Variants in SCYL3 observed in about 807,000 individuals in gnomAD.
The protein encoded by SCYL3 is protein-associating with the carboxyl-terminal domain of ezrin.
SCYL3 carries 35 observed loss-of-function variants against 73.8 expected under a neutral mutation model. That is an observed-to-expected ratio of 0.47 (90% CI 0.36 to 0.63). SCYL3 has a LOEUF of 0.63. Ranked by LOEUF, SCYL3 falls within the 20% of genes least tolerant of loss-of-function variation. SCYL3 has a pLI of 0.00. For missense variants in SCYL3, 712 were observed against 798.9 expected (o/e 0.89, Z 1.31); for synonymous variants, 277 against 295.2 (o/e 0.94, Z 0.63).
intron 6 of SCYL3, among the ~76,000 whole-genome samples, chr1:169,869,641 A>G (rs956801901): frequency 6.6e-6 from 1 of 152,226 alleles, no homozygotes; most frequent in African/African-American, 2.4e-5. Flanking sequence ...ACTGTGACAC[A>G]TGCCTCAGTA....
intron 2 of SCYL3, among the ~76,000 whole-genome samples, chr1:169,886,941 C>T (rs1465936733): frequency 6.6e-6 from 1 of 152,016 alleles, no homozygotes; most frequent in Non-Finnish European, 1.5e-5. Context: ...TTAAAACTAC[C>T]AAAGGTGTGA....
chr1:169,854,604 G>A lies in SCYL3; in HGVS notation c.1673C>T (p.Ser558Phe), dbSNP rs1226591736. 20 of 1,613,896 alleles carry A rather than the reference G, an allele frequency of 1.2e-5. No individual in the cohort carries two copies. The highest frequency in any genetic ancestry group is 1.7e-5 in the Non-Finnish European group (20 of 1,179,984). Residue 558 changes from serine to phenylalanine, a missense_variant, in exon 12 of 13, where the codon TCT becomes TTT. By Grantham distance (155) the Ser-to-Phe change is radical. Transcript: ENST00000367771. ...GGGTAAGCTTGATTTCCAAGGCATA[G>A]ACTCTTCAGTGAGTGAAAGCAAAGC... is the stretch of plus-strand genomic sequence containing the variant. The part of the protein sequence containing the change: ...IPALLSLTEE[S>F]MPWKSSLPQK...
At chr1:169,860,331 A>G (rs987317683) in intron 10 of SCYL3, among the ~76,000 whole-genome samples, 23 of 152,362 alleles carry the variant, frequency 1.5e-4, no homozygotes, top group East Asian at 7.7e-4. Flanking sequence ...TCACATGCAG[A>G]TATCAGGCAA....
chr1:169,852,963 A>ACGTT lies in SCYL3; in HGVS notation c.*746_*749dup, dbSNP rs1410391384. On this transcript the variant is annotated 3_prime_UTR_variant, in exon 13 of 13. Transcript: ENST00000367771. ...TCCAAGAAAGGATGGATAAGCTAAA[A>ACGTT]CGTTACATACATACTCTAGGGTGAA... is the stretch of plus-strand genomic sequence containing the variant. 6.2e-7 allele frequency: 1 copy of ACGTT among 1,614,060 alleles called. No homozygotes were observed. Among genetic ancestry groups the ACGTT allele is most frequent in the East Asian group, 2.2e-5 (1 of 44,866 alleles).
At position 169,851,828 on chromosome 1, in the gene SCYL3, A is replaced by G. The variant is rs749631888; in HGVS notation, c.*1885T>C. ...ATGGTCCCTGGCAGACTGGGTTTGT[A>G]GATGAAACTGAAGCTGCCAAAGTGG... On this transcript the variant is annotated 3_prime_UTR_variant, in exon 13 of 13. Coordinates refer to ENST00000367771, the MANE Select transcript of SCYL3 (RefSeq NM_020423.7). 1 of 1,613,922 alleles carries G rather than the reference A, an allele frequency of 6.2e-7. No individual in the cohort carries two copies. The highest frequency in any genetic ancestry group is 8.5e-7 in the Non-Finnish European group (1 of 1,179,884).
At chr1:169,884,432 G>A (rs902397158) in intron 2 of SCYL3, among the ~76,000 whole-genome samples, 6 of 151,926 alleles carry the variant, frequency 3.9e-5, no homozygotes, top group African/African-American at 1.5e-4. Flanking sequence ...CGAATAGCTG[G>A]GATTACAGGC....
At chr1:169,853,877 A>T in intron 12 of SCYL3, 105 bp from the exon 13 acceptor site, 1 of 1,259,586 alleles carries the variant, frequency 7.9e-7, no homozygotes, top group African/African-American at 1.5e-5. Context: ...TTTTGATGCC[A>T]GAAACACTAC....
intron 2 of SCYL3, among the ~76,000 whole-genome samples, chr1:169,880,170 T>A (rs965096728): frequency 6.0e-5 from 9 of 150,848 alleles, no homozygotes; most frequent in African/African-American, 2.0e-4. Context: ...TAACAAAAGG[T>A]CAAATAAATA....
At chr1:169,868,139 AT>A (rs1478570924) in intron 7 of SCYL3, among the ~76,000 whole-genome samples, 1 of 152,198 alleles carries the variant, frequency 6.6e-6, no homozygotes, top group African/African-American at 2.4e-5. Context: ...AATGCTACTT[AT>A]TTAATAAGAT....
chr1:169,870,856 T>G (rs998298029), intron 5 of SCYL3, among the ~76,000 whole-genome samples: 2 of 152,210 alleles, frequency 1.3e-5, no homozygotes, highest in Non-Finnish European at 2.9e-5. Context: ...AATACTGATT[T>G]GGATAAATCT....
intron 2 of SCYL3, among the ~76,000 whole-genome samples, chr1:169,883,670 G>A (rs1401687765): frequency 6.6e-6 from 1 of 151,456 alleles, no homozygotes; most frequent in Admixed American, 6.6e-5. Flanking sequence ...CTTCCAGGCA[G>A]GGTCATAGGA....
intron 1 of SCYL3, among the ~76,000 whole-genome samples, chr1:169,893,111 T>C (rs777804498): frequency 6.6e-6 from 1 of 152,210 alleles, no homozygotes; most frequent in Non-Finnish European, 1.5e-5. Context: ...TCAAGATACA[T>C]TTTATAAGAA....
At chr1:169,886,930 G>A (rs530029324) in intron 2 of SCYL3, among the ~76,000 whole-genome samples, 4 of 152,180 alleles carry the variant, frequency 2.6e-5, no homozygotes, top group African/African-American at 9.6e-5. Flanking sequence ...TGAAATAATC[G>A]TTAAAACTAC....
chr1:169,872,754 G>A (rs1267877728), intron 5 of SCYL3, among the ~76,000 whole-genome samples: 1 of 152,214 alleles, frequency 6.6e-6, no homozygotes, highest in African/African-American at 2.4e-5. Context: ...CGGAATCAAA[G>A]GAGATCATTT....
rs930992104 is a variant in SCYL3 at position 169,850,566 on chromosome 1, G to C, written c.*3147C>G. 3 of 403,148 alleles carry C rather than the reference G, an allele frequency of 7.4e-6. No individual in the cohort carries two copies. Among genetic ancestry groups the C allele is most frequent in the Admixed American group, 3.7e-5 (1 of 27,152 alleles). 25.0% of individuals were successfully genotyped at this position (403,148 alleles called of 1,614,324 possible). A position where few individuals can be genotyped will look rare whatever the true frequency, so the allele number is the denominator to read the frequency against. The stretch of plus-strand genomic sequence containing the variant: ...TAATCCCAGCACTTTGGGAGGCCAA[G>C]GTGGGTGGATCATGAGGTCAGGAGT... On this transcript the variant is annotated 3_prime_UTR_variant, in exon 13 of 13. Transcript: ENST00000367771.
At chr1:169,856,071 G>A in intron 11 of SCYL3, 1 of 860,272 alleles carries the variant, frequency 1.2e-6, no homozygotes, top group Non-Finnish European at 1.8e-6. Context: ...TACATATAAA[G>A]GATAAAATGG....
intron 12 of SCYL3, 128 bp from the exon 13 acceptor site, chr1:169,853,900 A>G: frequency 1.0e-6 from 1 of 993,086 alleles, no homozygotes; most frequent in Non-Finnish European, 1.5e-6. Flanking sequence ...CGTACTAAGT[A>G]AAATAACTTA....
intron 7 of SCYL3, among the ~76,000 whole-genome samples, chr1:169,867,949 T>C (rs1043586442): frequency 2.6e-5 from 4 of 152,210 alleles, no homozygotes; most frequent in African/African-American, 9.7e-5. Flanking sequence ...AAATAAAATA[T>C]TTCTAAGAAT....
chr1:169,854,985 C>A, intron 11 of SCYL3, 21 bp from the exon 12 acceptor site: 1 of 1,519,736 alleles, frequency 6.6e-7, no homozygotes, highest in Admixed American at 1.9e-5. Context: ...AATAATTATT[C>A]TCATAAAATA....
Sources: allele counts gnomAD v4.1 joint callset (sites outside exome capture counted in the v4.1 genomes callset), GRCh38; gene constraint gnomAD v4.1.1; transcripts MANE v1.5; gene names NCBI Gene and HGNC (gene_info 2026-07-23, HGNC 2026-07-21).